TNFAIP8L3: variants seen among roughly 807,000 people sequenced by gnomAD.
The protein encoded by TNFAIP8L3 is TNF alpha induced protein 8 like 3.
Under a neutral mutation model 11.8 loss-of-function variants are expected in TNFAIP8L3, and 7 were observed. The ratio of observed to expected loss-of-function variants is 0.59; its 90% CI spans 0.34 to 1.11. The LOEUF (loss-of-function observed/expected upper bound fraction) is 1.11, where lower values mean the gene tolerates loss of function less well. TNFAIP8L3 is among the 50% of genes most tolerant of loss of function. TNFAIP8L3 has a pLI of 0.03. For synonymous variants in TNFAIP8L3, 98 were observed against 103.8 expected (o/e 0.94, Z 0.34); for missense variants, 219 against 258.6 (o/e 0.85, Z 1.05).
chr15:51,077,380 G>A (rs1287025177), intron 1 of TNFAIP8L3, among the ~76,000 whole-genome samples: 8 of 152,096 alleles, frequency 5.3e-5, no homozygotes, highest in East Asian at 1.9e-4. Flanking sequence ...AGCCCTTCCC[G>A]CTGGTCCCAT....
chr15:51,092,745 C>T (rs2065480958), intron 1 of TNFAIP8L3, among the ~76,000 whole-genome samples: 1 of 152,208 alleles, frequency 6.6e-6, no homozygotes, highest in African/African-American at 2.4e-5. Flanking sequence ...ATATTAAACA[C>T]TGGGTCAGGC....
At chr15:51,100,753 A>G (rs1353332094) in intron 1 of TNFAIP8L3, among the ~76,000 whole-genome samples, 1 of 152,038 alleles carries the variant, frequency 6.6e-6, no homozygotes, top group Non-Finnish European at 1.5e-5. Context: ...TTTGAATGTC[A>G]GGCTGGAGAA....
chr15:51,062,948 T>G (rs574374702), intron 1 of TNFAIP8L3, among the ~76,000 whole-genome samples: 7 of 151,940 alleles, frequency 4.6e-5, no homozygotes, highest in Non-Finnish European at 8.8e-5. Flanking sequence ...GAAAGAGATG[T>G]GATGATGAAA....
At position 51,100,556 on chromosome 15, in the gene TNFAIP8L3, G is replaced by A. The variant is rs2065543512; in HGVS notation, c.172+4449C>T. Among the ~76,000 whole-genome samples the A allele has an allele frequency of 3.9e-5, 6 of 152,348 alleles. No homozygotes were observed. The South Asian group carries it at 1.2e-3, about 32-fold the overall frequency. On this transcript the variant is annotated intron_variant, in intron 1 of 2. Transcript: ENST00000327536. ...TCCATAAGAGCAACATGAGTCAACA[G>A]TGGGATAATAGCTGTATTGCTACAA...
chr15:51,072,606 A>C (rs1363153981), intron 1 of TNFAIP8L3, among the ~76,000 whole-genome samples: 2 of 152,094 alleles, frequency 1.3e-5, no homozygotes, highest in East Asian at 1.9e-4. Context: ...GTCTTTAATC[A>C]ATCTGAAAAT....
chr15:51,092,693 G>A (rs1444837693), intron 1 of TNFAIP8L3, among the ~76,000 whole-genome samples: 1 of 152,162 alleles, frequency 6.6e-6, no homozygotes, highest in Non-Finnish European at 1.5e-5. Flanking sequence ...TGTCAGCTAC[G>A]CAGAGGCCTT....
intron 1 of TNFAIP8L3, among the ~76,000 whole-genome samples, chr15:51,085,948 T>C (rs545391629): frequency 6.6e-6 from 1 of 152,342 alleles, no homozygotes; most frequent in African/African-American, 2.4e-5. Flanking sequence ...ATAATGTTAC[T>C]GACAAGCAAT....
chr15:51,081,961 A>G (rs980982260), intron 1 of TNFAIP8L3, among the ~76,000 whole-genome samples: 20 of 152,168 alleles, frequency 1.3e-4, no homozygotes, highest in Non-Finnish European at 8.8e-5. Context: ...TCACTTGCAA[A>G]TAATAAGAAA....
Position 51,057,775 on chromosome 15 carries a change from A to T in TNFAIP8L3, c.*106T>A. 4.1e-6 allele frequency: 4 copies of T among 985,174 alleles called. No homozygotes were observed. Among genetic ancestry groups the T allele is most frequent in the Non-Finnish European group, 6.0e-6 (4 of 666,890 alleles). 61.0% of individuals were successfully genotyped at this position (985,174 alleles called of 1,614,324 possible). A position where few individuals can be genotyped will look rare whatever the true frequency, so the allele number is the denominator to read the frequency against. The stretch of plus-strand genomic sequence containing the variant: ...ATCAGAGGGATGAACAGGAAAGAAC[A>T]TGGACATCTTTGACAAGGGTTTCTG... On this transcript the variant is annotated 3_prime_UTR_variant, in exon 2 of 2. Transcript: ENST00000637513.
rs1382239037 is a variant in TNFAIP8L3, at chr15:51,060,045, G to C, written c.53-1602C>G. Among the ~76,000 whole-genome samples the C allele has an allele frequency of 2.0e-5, 3 of 152,218 alleles. No homozygotes were observed. In the East Asian group the frequency reaches 5.8e-4, roughly 29 times the overall value. ...CTTTTCCCTTCTGCCTCAGTGCTAA[G>C]AGGAATAAACACTCATTGTGCAGAA... On this transcript the variant is annotated intron_variant, in intron 1 of 1. Coordinates refer to ENST00000637513, the MANE Select transcript of TNFAIP8L3 (RefSeq NM_001311175.2).
In TNFAIP8L3 at chr15:51,080,245, C is replaced by G. The variant is rs1038804802; in HGVS notation, c.52+14299G>C. ...ATGTAGTGTCCTATAACTTCCATGC[C>G]TGCATTTCCTTTCTTATTCATCTTG... is the stretch of plus-strand genomic sequence containing the variant. On this transcript the variant is annotated intron_variant, in intron 1 of 1. Transcript: ENST00000637513. Among the ~76,000 whole-genome samples, 5 of 152,298 alleles carry G rather than the reference C, an allele frequency of 3.3e-5. No homozygotes were observed. The South Asian group carries it at 1.0e-3, about 32-fold the overall frequency.
In TNFAIP8L3 at chr15:51,058,018, G is replaced by T. The variant is rs1192807603; in HGVS notation, c.478C>A (p.Arg160Ser). The change falls in exon 2 of 2, where the codon CGC becomes AGC. Residue 160 changes from arginine (R) to serine (S), a missense_variant. Transcript: ENST00000637513. ...AAGTGGTTAAAGACGTGGTTGATGC[G>T]CCCGTGGGTCCTGGGCGTCAGGTGC... ...QRHLTPRTHGRINHVFNHFAD... is the reference protein window; with the variant it reads ...QRHLTPRTHGSINHVFNHFAD... The T allele has an allele frequency of 1.2e-6, 2 of 1,614,066 alleles. No homozygotes were observed. The highest frequency in any genetic ancestry group is 2.7e-5 in the African/African-American group (2 of 74,934).
At chr15:51,059,248 A>G (rs2065226886) in intron 1 of TNFAIP8L3, among the ~76,000 whole-genome samples, 1 of 152,188 alleles carries the variant, frequency 6.6e-6, no homozygotes, top group South Asian at 2.1e-4. Context: ...ACCAGACCCA[A>G]TTTATTTTGC....
chr15:51,064,457 GACATAT>G (rs1436026674), intron 1 of TNFAIP8L3, among the ~76,000 whole-genome samples: 1 of 151,552 alleles, frequency 6.6e-6, no homozygotes, highest in African/African-American at 2.4e-5. Context: ...AAATTTACTG[GACATAT>G]ACATATACAT....
chr15:51,056,707 A>T lies in TNFAIP8L3; in HGVS notation c.*1174T>A, dbSNP rs966779326. On this transcript the variant is annotated 3_prime_UTR_variant, in exon 2 of 2. Transcript: ENST00000637513. ...TTCATTCTGCCTGATTCTCCCGTGC[A>T]TATGGAATAAAGCCTCCCTGAGCTC... 3 of 152,100 alleles carry T rather than the reference A, an allele frequency of 2.0e-5. No individual in the cohort carries two copies. Among genetic ancestry groups the T allele is most frequent in the Non-Finnish European group, 4.4e-5 (3 of 68,014 alleles). 9.4% of individuals were successfully genotyped at this position (152,100 alleles called of 1,614,324 possible). A position where few individuals can be genotyped will look rare whatever the true frequency, so the allele number is the denominator to read the frequency against.
rs1289230913 is a variant in TNFAIP8L3 at position 51,086,941 on chromosome 15, T to A, written c.52+7603A>T. ...AGTCTCTCTTTTGCCCAGGCTGGAG[T>A]GCAGTGGCACGATCTAGGCTCACTG... On this transcript the variant is annotated intron_variant, in intron 1 of 1. Transcript: ENST00000637513. 2.0e-5 allele frequency among the ~76,000 whole-genome samples: 3 copies of A among 151,582 alleles called. No individual in the cohort carries two copies. In the East Asian group the frequency reaches 5.8e-4, roughly 29 times the overall value.
At chr15:51,075,528 G>A (rs1187351572) in intron 1 of TNFAIP8L3, among the ~76,000 whole-genome samples, 1 of 152,108 alleles carries the variant, frequency 6.6e-6, no homozygotes, top group Non-Finnish European at 1.5e-5. Context: ...CTCTCTCTCT[G>A]CTGGCAGCTC....
chr15:51,095,854 T>C (rs6493477), upstream of TNFAIP8L3, among the ~76,000 whole-genome samples: 152,247 of 152,298 alleles, frequency 1, 76,098 homozygotes, highest in Middle Eastern at 1. Flanking sequence ...AGAATGCAAA[T>C]TATTGGCCAG....
upstream of TNFAIP8L3, among the ~76,000 whole-genome samples, chr15:51,096,891 CAAAAAAA>C (rs56057102): frequency 2.2e-3 from 213 of 98,282 alleles, 1 homozygote; most frequent in South Asian, 6.8e-3. Context: ...CACGCTGTCT[CAAAAAAA>C]AAAAAAAAAA....
Sources: allele counts gnomAD v4.1 joint callset (sites outside exome capture counted in the v4.1 genomes callset), GRCh38; gene constraint gnomAD v4.1.1; transcripts MANE v1.5; gene names NCBI Gene and HGNC (gene_info 2026-07-23, HGNC 2026-07-21).